The following MORC3 variants were observed in gnomAD, a reference collection of about 807,000 sequenced individuals.
MORC3 encodes the protein MORC family CW-type zinc finger protein 3.
A neutral mutation model predicts 109.1 loss-of-function variants in MORC3; 31 were observed. That is an observed-to-expected ratio of 0.28 (90% CI 0.21 to 0.38). The LOEUF (loss-of-function observed/expected upper bound fraction) is 0.38, where lower values mean the gene tolerates loss of function less well. Ranked by LOEUF, MORC3 falls within the 10% of genes least tolerant of loss-of-function variation. The probability of loss-of-function intolerance (pLI) is 1.00; values close to 1 mark genes in which losing one functional copy is unlikely to be tolerated. For missense variants in MORC3, 867 were observed against 1,135.8 expected (o/e 0.76, Z 3.40); for synonymous variants, 395 against 380.7 (o/e 1.04, Z -0.44).
At chr21:36,370,030 G>C (rs562531714) in intron 15 of MORC3, among the ~76,000 whole-genome samples, 154 bp downstream of exon 15, 6 of 152,226 alleles carry the variant, frequency 3.9e-5, no homozygotes, top group African/African-American at 1.4e-4. Flanking sequence ...CAAGGAGTTC[G>C]AGACCAGCCT....
At chr21:36,372,570 T>C (rs977805680) in intron 16 of MORC3, 39 bp downstream of exon 16, 4 of 1,528,626 alleles carry the variant, frequency 2.6e-6, no homozygotes, top group African/African-American at 1.4e-5. Context: ...GCTGCAATTA[T>C]GGTTAGGATA....
chr21:36,320,575 C>T (rs558963492), intron 1 of MORC3: 293 of 323,580 alleles, frequency 9.1e-4, no homozygotes, highest in African/African-American at 5.7e-3. Context: ...TCCTAGTCTC[C>T]CAGCAGCTGT....
chr21:36,339,128 T>A (rs1051289776), intron 5 of MORC3: 7 of 450,536 alleles, frequency 1.6e-5, no homozygotes, highest in Admixed American at 4.5e-5. Flanking sequence ...TTAAAAAAAA[T>A]TTTTTTTTGA....
chr21:36,361,865 C>T (rs2085720677), intron 12 of MORC3: 5 of 305,030 alleles, frequency 1.6e-5, no homozygotes, highest in Non-Finnish European at 2.4e-5. Flanking sequence ...CCATCCTGGG[C>T]AAGACTCCCT....
intron 9 of MORC3, 67 bp downstream of exon 9, chr21:36,349,475 A>G (rs1368727664): frequency 9.6e-7 from 1 of 1,036,706 alleles, no homozygotes; most frequent in Non-Finnish European, 1.4e-6. Flanking sequence ...AGCAGGAACT[A>G]CTCTATTTTC....
chr21:36,349,208 A>G lies in MORC3; in HGVS notation c.1006-103A>G, dbSNP rs992573584. The G allele has an allele frequency of 5.3e-6, 4 of 748,518 alleles. No individual in the cohort carries two copies. In the African/African-American group the frequency reaches 5.5e-5, roughly 10 times the overall value. The allele number at this position is 748,518 out of a possible 1,614,324, so 46.4% of individuals were successfully genotyped here. ...AAAATAAATGTGATGAGAATCATACAAGATAAAATATAGAAAAATATACAA... is the reference window on the plus strand; with the variant it reads ...AAAATAAATGTGATGAGAATCATACGAGATAAAATATAGAAAAATATACAA... On this transcript the variant is annotated intron_variant, in intron 8 of 16. Transcript: ENST00000400485.
intron 1 of MORC3, among the ~76,000 whole-genome samples, chr21:36,322,661 T>G (rs2085206404): frequency 1.3e-5 from 2 of 152,200 alleles, no homozygotes; most frequent in Admixed American, 1.3e-4. Flanking sequence ...CCTGAGCCAC[T>G]GTGCCCGGCC....
chr21:36,341,411 A>T lies in MORC3; in HGVS notation c.621A>T (p.Ala207=). ...ATTATTTTTACAGCTACAAAAATGC[A>T]ACAGAGTTCGATTTTGAAAAGGATA... is the stretch of plus-strand genomic sequence containing the variant. ...IIWNLRSYKN[A]TEFDFEKDKY... Residue 207 remains alanine, a synonymous_variant, in exon 6 of 17, where the codon GCA becomes GCT. Coordinates refer to ENST00000400485, the MANE Select transcript of MORC3 (RefSeq NM_015358.3). 6.3e-7 allele frequency: 1 copy of T among 1,597,558 alleles called. No individual in the cohort carries two copies.
At chr21:36,340,530 C>T (rs2085430750) in intron 5 of MORC3, among the ~76,000 whole-genome samples, 1 of 151,224 alleles carries the variant, frequency 6.6e-6, no homozygotes, top group Non-Finnish European at 1.5e-5. Flanking sequence ...TTGGATTTGA[C>T]TTTTTTCACT....
chr21:36,368,138 A>ATT (rs2085802590), intron 14 of MORC3, among the ~76,000 whole-genome samples: 1 of 152,218 alleles, frequency 6.6e-6, no homozygotes, highest in East Asian at 1.9e-4. Context: ...AAATGGTGAT[A>ATT]AATAAATGTG....
intron 3 of MORC3, 95 bp from the exon 4 acceptor site, chr21:36,337,637 A>G: frequency 2.3e-6 from 2 of 865,414 alleles, no homozygotes; most frequent in Non-Finnish European, 3.3e-6. Context: ...TGGTATTACA[A>G]TTAATGAATT....
At chr21:36,360,643 C>A in intron 12 of MORC3, 1 of 228,718 alleles carries the variant, frequency 4.4e-6, no homozygotes, top group East Asian at 1.1e-4. Flanking sequence ...TGTAAGGAAG[C>A]TCATAGGGAG....
chr21:36,337,736 G>T lies in MORC3; in HGVS notation c.250G>T (p.Gly84Cys). 1 of 1,592,890 alleles carries T rather than the reference G, an allele frequency of 6.3e-7. No homozygotes were observed. Among genetic ancestry groups the T allele is most frequent in the East Asian group, 2.3e-5 (1 of 43,956 alleles). ...SDKLHKMLSF[G>C]FSDKVTMNGH... ...AAATCTTTATTTTCTTCTTAGCTTT[G>T]GCTTCAGTGACAAAGTCACCATGAA... The change falls in exon 4 of 17, where the codon GGC (glycine) becomes TGC (cysteine). Residue 84 changes from glycine to cysteine, a missense_variant. By Grantham distance (159) the Gly-to-Cys change is radical (BLOSUM62 -3). This residue lies in a region of MORC3 where 53 missense variants were observed against 130.3 expected (regional missense o/e 0.41). Coordinates refer to ENST00000400485, the MANE Select transcript of MORC3 (RefSeq NM_015358.3).
chr21:36,337,905 C>T lies in MORC3; in HGVS notation c.419C>T (p.Ala140Val), dbSNP rs752464236. Residue 140 changes from alanine (A) to valine (V), a missense_variant, in exon 4 of 17, where the codon GCG becomes GTG. Physicochemically the swap from Ala to Val is moderately conservative, Grantham distance 64. This residue lies in a region of MORC3 where 134 missense variants were observed against 166.6 expected (regional missense o/e 0.80). Transcript: ENST00000400485. ...LSQTYLEVIK[A>V]EHVVVPIVAF... is the part of the protein sequence containing the mutation. ...CAGACCTACTTGGAAGTCATAAAAGCGGAGCATGTTGTTGTTCCAATAGTG... is the reference window on the plus strand; with the variant it reads ...CAGACCTACTTGGAAGTCATAAAAGTGGAGCATGTTGTTGTTCCAATAGTG... The T allele has an allele frequency of 1.1e-5, 17 of 1,613,978 alleles. No homozygotes were observed. The highest frequency in any genetic ancestry group is 1.3e-5 in the African/African-American group (1 of 74,912).
chr21:36,321,553 T>C (rs951743540), intron 1 of MORC3, among the ~76,000 whole-genome samples: 3 of 152,034 alleles, frequency 2.0e-5, no homozygotes, highest in African/African-American at 7.2e-5. Flanking sequence ...TTTTTCTTTT[T>C]TTTTTTTTTA....
chr21:36,328,337 C>CA (rs1015667942), intron 1 of MORC3, among the ~76,000 whole-genome samples: 8 of 149,838 alleles, frequency 5.3e-5, no homozygotes, highest in Non-Finnish European at 1.2e-4. Context: ...TAAGCCCCCC[C>CA]CCGCCTTTTT....
At position 36,358,122 on chromosome 21, in the gene MORC3, T is replaced by G. The variant is rs2085667180; in HGVS notation, c.1208+1398T>G. On this transcript the variant is annotated intron_variant, in intron 10 of 16. Transcript: ENST00000400485. ...CAGGCCAGGTACGTTGGATCACATC[T>G]GTAATCCCAGCACTTTGGGAGGCCA... Among the ~76,000 whole-genome samples, 2 of 152,020 alleles carry G rather than the reference T, an allele frequency of 1.3e-5. 1 individual carries two copies. Among genetic ancestry groups the G allele is most frequent in the South Asian group, 4.2e-4 (2 of 4,810 alleles).
At chr21:36,329,840 TTTTTC>T (rs1308179388) in intron 1 of MORC3, among the ~76,000 whole-genome samples, 3 of 152,010 alleles carry the variant, frequency 2.0e-5, no homozygotes, top group Admixed American at 6.6e-5. Context: ...TCTTTTCCCT[TTTTTC>T]TTTTCTTTTT....
In MORC3 at chr21:36,329,059, G is replaced by A. The variant is rs568038163; in HGVS notation, c.40-4587G>A. Among the ~76,000 whole-genome samples, 66 of 152,224 alleles carry A rather than the reference G, an allele frequency of 4.3e-4. 2 individuals carry two copies. In the South Asian group the frequency reaches 0.013, roughly 30 times the overall value. On this transcript the variant is annotated intron_variant, in intron 1 of 16. Coordinates refer to ENST00000400485, the MANE Select transcript of MORC3 (RefSeq NM_015358.3). Reference sequence around the variant, plus strand: ...TGTAATCCCAGCACTTTGGGAGGCCGAGGTGGGCGGATCGCCTGAGGTCGG... The same window carrying A: ...TGTAATCCCAGCACTTTGGGAGGCCAAGGTGGGCGGATCGCCTGAGGTCGG...
Sources: allele counts gnomAD v4.1 joint callset (sites outside exome capture counted in the v4.1 genomes callset), GRCh38; gene constraint gnomAD v4.1.1; regional missense constraint gnomAD v4.1.1; transcripts MANE v1.5; gene names NCBI Gene and HGNC (gene_info 2026-07-23, HGNC 2026-07-21).